FARSB: variants seen among roughly 807,000 people sequenced by gnomAD.
The protein encoded by FARSB is phenylalanyl-tRNA synthetase subunit beta, also known as phenylalanine--tRNA ligase beta subunit.
A neutral mutation model predicts 69.6 loss-of-function variants in FARSB; 40 were observed. That is an observed-to-expected ratio of 0.57 (90% confidence interval 0.45 to 0.75). The LOEUF (loss-of-function observed/expected upper bound fraction) is 0.75. FARSB is among the 30% of genes least tolerant of loss of function. The pLI, the probability that FARSB is intolerant of heterozygous loss-of-function variation, is 0.00. For synonymous variants in FARSB, 235 were observed against 247.2 expected (o/e 0.95, Z 0.46); for missense variants, 632 against 722.9 (o/e 0.87, Z 1.44).
Position 222,628,465 on chromosome 2 carries a change from A to T in FARSB, c.900+372T>A, listed in dbSNP as rs138019294. Reference sequence around the variant, plus strand: ...CAATTAAAGAATAAAAACATTTTTTAAAAAACTACTCAGTTAACTAGTTAA... The same window carrying T: ...CAATTAAAGAATAAAAACATTTTTTTAAAAACTACTCAGTTAACTAGTTAA... On this transcript the variant is annotated intron_variant, in intron 10 of 16. Transcript: ENST00000281828. 5.7e-3 allele frequency among the ~76,000 whole-genome samples: 872 copies of T among 152,316 alleles called. 5 individuals are homozygous for T. The highest frequency in any genetic ancestry group is 0.02 in the African/African-American group (822 of 41,570).
chr2:222,605,161 TTCTCTC>T (rs71053093), intron 15 of FARSB, among the ~76,000 whole-genome samples: 33 of 132,748 alleles, frequency 2.5e-4, no homozygotes, highest in South Asian at 1.0e-3. Context: ...AATACAAACT[TTCTCTC>T]TCTCTCTCTC....
At chr2:222,592,474 C>T (rs16863916) in intron 16 of FARSB, among the ~76,000 whole-genome samples, 48,072 of 151,820 alleles carry the variant, frequency 0.32, 7,798 homozygotes, top group Middle Eastern at 0.46. Flanking sequence ...TTGGCCAATG[C>T]ATAAAACTGC....
chr2:222,612,621 G>T (rs1024298711), intron 15 of FARSB, among the ~76,000 whole-genome samples: 75 of 152,336 alleles, frequency 4.9e-4, no homozygotes, highest in African/African-American at 1.7e-3. Flanking sequence ...ATTCTGCAGA[G>T]TCTAGAGTAA....
intron 10 of FARSB, among the ~76,000 whole-genome samples, chr2:222,628,372 A>G (rs941419805): frequency 1.3e-5 from 2 of 152,228 alleles, no homozygotes; most frequent in African/African-American, 4.8e-5. Flanking sequence ...TGATTTGATC[A>G]TTACATATTA....
At chr2:222,576,670 A>T (rs1366796912) in intron 16 of FARSB, among the ~76,000 whole-genome samples, 1 of 152,122 alleles carries the variant, frequency 6.6e-6, no homozygotes, top group East Asian at 1.9e-4. Context: ...CTCCCAGAAA[A>T]GGGGAATAAA....
chr2:222,640,595 A>C (rs1333283211), intron 4 of FARSB, among the ~76,000 whole-genome samples: 2 of 142,380 alleles, frequency 1.4e-5, no homozygotes. Context: ...CATTTCTAAA[A>C]AATACAAAAA....
At chr2:222,651,457 C>T (rs1559219828) in intron 1 of FARSB, among the ~76,000 whole-genome samples, 1 of 152,192 alleles carries the variant, frequency 6.6e-6, no homozygotes, top group African/African-American at 2.4e-5. Context: ...ATCCAAGGCA[C>T]TGCCAGGAAA....
At chr2:222,576,436 T>C (rs1449936812) in intron 16 of FARSB, among the ~76,000 whole-genome samples, 3 of 152,092 alleles carry the variant, frequency 2.0e-5, no homozygotes, top group African/African-American at 2.4e-5. Flanking sequence ...ACATATGTCA[T>C]AGCAAACAAC....
intron 5 of FARSB, among the ~76,000 whole-genome samples, chr2:222,635,249 T>A (rs989425706): frequency 7.2e-5 from 11 of 152,210 alleles, no homozygotes; most frequent in African/African-American, 2.7e-4. Flanking sequence ...AGCCTAAGTC[T>A]TACCAGGAAA....
chr2:222,575,555 G>A (rs953271989), intron 16 of FARSB, among the ~76,000 whole-genome samples: 4 of 152,156 alleles, frequency 2.6e-5, no homozygotes, highest in Non-Finnish European at 5.9e-5. Context: ...AAAAGCCTCC[G>A]AGCCCGCTTT....
chr2:222,613,939 A>G lies in FARSB; in HGVS notation c.1345-11T>C. Reference sequence around the variant, plus strand: ...GGTAGTGCGTGCCACCTACAGGAAAAGACATGAAATTGCACTGACCAAATA... The same window carrying G: ...GGTAGTGCGTGCCACCTACAGGAAAGGACATGAAATTGCACTGACCAAATA... On this transcript the variant is annotated splice_polypyrimidine_tract_variant and intron_variant, in intron 14 of 16. Transcript: ENST00000281828. 2 of 1,574,602 alleles carry G rather than the reference A, an allele frequency of 1.3e-6. No individual in the cohort carries two copies. The highest frequency in any genetic ancestry group is 1.7e-6 in the Non-Finnish European group (2 of 1,144,228).
intron 15 of FARSB, among the ~76,000 whole-genome samples, chr2:222,602,196 A>G (rs1690578563): frequency 6.6e-6 from 1 of 152,198 alleles, no homozygotes. Context: ...TTATGGGAAC[A>G]GAGAACAGAT....
At chr2:222,576,662 C>A (rs760691418) in intron 16 of FARSB, among the ~76,000 whole-genome samples, 1 of 152,122 alleles carries the variant, frequency 6.6e-6, no homozygotes, top group African/African-American at 2.4e-5. Context: ...CCCTTCTCCT[C>A]CCAGAAAAGG....
At chr2:222,613,710 C>T (rs1331335456) in intron 15 of FARSB, 101 bp downstream of exon 15, 2 of 711,216 alleles carry the variant, frequency 2.8e-6, no homozygotes, top group Non-Finnish European at 4.8e-6. Flanking sequence ...TACATAGGGG[C>T]TAATTATACT....
At chr2:222,579,162 G>A (rs1317911802) in intron 16 of FARSB, among the ~76,000 whole-genome samples, 4 of 152,192 alleles carry the variant, frequency 2.6e-5, no homozygotes, top group Non-Finnish European at 4.4e-5. Flanking sequence ...CAATAGTAGA[G>A]GCTGGAGAGT....
chr2:222,599,261 A>C (rs1038276343), intron 16 of FARSB, among the ~76,000 whole-genome samples: 2 of 152,186 alleles, frequency 1.3e-5, no homozygotes, highest in African/African-American at 4.8e-5. Context: ...CCTTTCATCT[A>C]ACAAAATAAA....
intron 5 of FARSB, among the ~76,000 whole-genome samples, chr2:222,638,705 G>C (rs77054650): frequency 5.0e-4 from 76 of 152,078 alleles, no homozygotes; most frequent in African/African-American, 1.7e-3. Context: ...ACCCCTCCTA[G>C]GCTCTACAGT....
chr2:222,626,658 G>A (rs965500756), intron 10 of FARSB, among the ~76,000 whole-genome samples: 1 of 152,160 alleles, frequency 6.6e-6, no homozygotes, highest in Non-Finnish European at 1.5e-5. Context: ...ATGAGGAGAA[G>A]AGTGAACCAA....
At chr2:222,644,124 T>C (rs1691789671) in intron 2 of FARSB, among the ~76,000 whole-genome samples, 1 of 152,188 alleles carries the variant, frequency 6.6e-6, no homozygotes, top group South Asian at 2.1e-4. Context: ...CATGATGCCC[T>C]CCCACTGCCA....
Sources: allele counts gnomAD v4.1 joint callset (sites outside exome capture counted in the v4.1 genomes callset), GRCh38; gene constraint gnomAD v4.1.1; transcripts MANE v1.5; gene names NCBI Gene and HGNC (gene_info 2026-07-23, HGNC 2026-07-21).